KLHDC10: variants seen among roughly 807,000 people sequenced by gnomAD.
The protein encoded by KLHDC10 is kelch domain-containing protein 10.
A neutral mutation model predicts 56.1 loss-of-function variants in KLHDC10; 24 were observed. The ratio of observed to expected loss-of-function variants is 0.43; its 90% CI spans 0.31 to 0.60. The LOEUF is 0.60. Among genes scored for constraint, KLHDC10 ranks in the 20% least tolerant of loss-of-function variants. KLHDC10 has a pLI of 0.11. For synonymous variants in KLHDC10, 188 were observed against 207.1 expected, an observed-to-expected ratio of 0.91 and a Z score of 0.79; for missense variants, 349 against 567.0, an observed-to-expected ratio of 0.62 and a Z score of 3.91.
intron 8 of KLHDC10, among the ~76,000 whole-genome samples, chr7:130,128,889 A>AAAAAAAAAAAATATATAT: frequency 6.0e-5 from 4 of 66,956 alleles, no homozygotes; most frequent in African/African-American, 1.5e-4. Context: ...AAAAAAAAAA[A>AAAAAAAAAAAATATATAT]ATATATATAT....
intron 2 of KLHDC10, among the ~76,000 whole-genome samples, chr7:130,115,606 T>C (rs1313896791): frequency 1.3e-5 from 2 of 150,006 alleles, no homozygotes; most frequent in Admixed American, 6.7e-5. Flanking sequence ...TCCCAGCTAC[T>C]TGGGAGGCTG....
rs1796393449 is a variant in KLHDC10 at position 130,131,044 on chromosome 7, T to C, written c.*298T>C. 5 of 287,016 alleles carry C rather than the reference T, an allele frequency of 1.7e-5. No homozygotes were observed. The highest frequency in any genetic ancestry group is 3.3e-5 in the Non-Finnish European group (5 of 149,976). The allele number at this position is 287,016 out of a possible 1,614,324, so 17.8% of individuals were successfully genotyped here. A position where few individuals can be genotyped will look rare whatever the true frequency, so the allele number is the denominator to read the frequency against. The stretch of plus-strand genomic sequence containing the variant: ...GCCTGAAAGTACCTTAATAATGTTA[T>C]TAATCAAGACAGATTCCTTTTTAAA... On this transcript the variant is annotated 3_prime_UTR_variant, in exon 10 of 10. Coordinates refer to ENST00000335420, the MANE Select transcript of KLHDC10 (RefSeq NM_014997.4).
chr7:130,129,289 TGA>T, intron 8 of KLHDC10, 146 bp from the exon 9 acceptor site: 1 of 767,346 alleles, frequency 1.3e-6, no homozygotes, highest in Non-Finnish European at 2.1e-6. Context: ...GACAACAGCA[TGA>T]GAGGCTGCAC....
intron 1 of KLHDC10, among the ~76,000 whole-genome samples, chr7:130,093,131 A>C (rs1211294414): frequency 1.3e-5 from 2 of 152,040 alleles, no homozygotes; most frequent in Non-Finnish European, 2.9e-5. Flanking sequence ...TAGTGAAGTA[A>C]ACATAGTAAG....
intron 1 of KLHDC10, among the ~76,000 whole-genome samples, chr7:130,081,323 GT>G (rs962706206): frequency 7.6e-5 from 11 of 143,818 alleles, no homozygotes; most frequent in African/African-American, 2.8e-4. Flanking sequence ...TTTTTTGTTT[GT>G]TTTTTATTTT....
At chr7:130,122,269 G>A (rs1225259327) in intron 5 of KLHDC10, 67 bp downstream of exon 5, 2 of 1,471,784 alleles carry the variant, frequency 1.4e-6, no homozygotes, top group Admixed American at 4.0e-5. Context: ...CAGAGTGTTG[G>A]CAATATGAAG....
chr7:130,128,889 AATAT>A lies in KLHDC10; in HGVS notation c.980-520_980-517del, dbSNP rs1554468213. The stretch of plus-strand genomic sequence containing the variant: ...ACCTTGTCTCTTAAAAAAAAAAAAA[AATAT>A]ATATATATATATATATATATATATA... On this transcript the variant is annotated intron_variant, in intron 8 of 9. Transcript: ENST00000335420. 1.2e-3 allele frequency among the ~76,000 whole-genome samples: 82 copies of A among 66,928 alleles called. 2 individuals carry two copies. The highest frequency in any genetic ancestry group is 0.017 in the Middle Eastern group (2 of 120). The allele number at this position is 66,928 out of a possible 152,430, so 43.9% of individuals were successfully genotyped here.
Position 130,132,173 on chromosome 7 carries a change from T to G in KLHDC10, c.*1427T>G, listed in dbSNP as rs1462407396. The G allele has an allele frequency of 6.6e-6, 1 of 152,100 alleles. No homozygotes were observed. The highest frequency in any genetic ancestry group is 1.5e-5 in the Non-Finnish European group (1 of 68,022). 9.4% of individuals were successfully genotyped at this position (152,100 alleles called of 1,614,324 possible). On this transcript the variant is annotated 3_prime_UTR_variant, in exon 10 of 10. Coordinates refer to ENST00000335420, the MANE Select transcript of KLHDC10 (RefSeq NM_014997.4). Reference sequence around the variant, plus strand: ...ACCATGCGCATGTGTAAGCCGCAGGTGTACTCAAGGTGCTGAAGGCGTGCA... The same window carrying G: ...ACCATGCGCATGTGTAAGCCGCAGGGGTACTCAAGGTGCTGAAGGCGTGCA...
At chr7:130,118,863 T>A (rs2116906105) in intron 3 of KLHDC10, among the ~76,000 whole-genome samples, 1 of 152,274 alleles carries the variant, frequency 6.6e-6, no homozygotes, top group East Asian at 1.9e-4. Flanking sequence ...AAGTTCACTG[T>A]TTTATATGGG....
chr7:130,082,782 C>T (rs771388120), intron 1 of KLHDC10, among the ~76,000 whole-genome samples: 1 of 152,176 alleles, frequency 6.6e-6, no homozygotes, highest in Non-Finnish European at 1.5e-5. Context: ...GTCCTAATTG[C>T]TAACTCCAGT....
intron 6 of KLHDC10, among the ~76,000 whole-genome samples, chr7:130,125,497 C>T (rs1400552796): frequency 2.0e-5 from 3 of 151,894 alleles, no homozygotes; most frequent in Non-Finnish European, 2.9e-5. Flanking sequence ...GAGCCAAGAT[C>T]GCGTCACTAC....
chr7:130,108,143 C>T (rs139141164), intron 2 of KLHDC10, among the ~76,000 whole-genome samples: 2,965 of 150,710 alleles, frequency 0.02, 49 homozygotes, highest in South Asian at 0.052. Flanking sequence ...GTGGGAGAAT[C>T]GCCTGAACCC....
chr7:130,087,435 G>T (rs1271773889), intron 1 of KLHDC10, among the ~76,000 whole-genome samples: 1 of 151,806 alleles, frequency 6.6e-6, no homozygotes, highest in Non-Finnish European at 1.5e-5. Flanking sequence ...CCATGAATTT[G>T]TTCCAAGCTT....
At position 130,116,304 on chromosome 7, in the gene KLHDC10, T is replaced by A. The variant is rs1366810607; in HGVS notation, c.254-141T>A. ...ATTATTAGGAAGTATATCCATGTTA[T>A]AAATCTAAACAAATAAGAAGTATAT... On this transcript the variant is annotated intron_variant, in intron 2 of 9. Transcript: ENST00000335420. The surrounding 1 kb of genome is among the most constrained non-coding windows in gnomAD (Gnocchi z 4.8). The A allele has an allele frequency of 4.7e-6, 3 of 631,774 alleles. No individual in the cohort carries two copies. In the East Asian group the frequency reaches 8.2e-5, roughly 17 times the overall value. The allele number at this position is 631,774 out of a possible 1,614,324, so 39.1% of individuals were successfully genotyped here.
intron 2 of KLHDC10, among the ~76,000 whole-genome samples, chr7:130,100,816 T>C (rs964273698): frequency 6.6e-5 from 10 of 152,154 alleles, no homozygotes. Flanking sequence ...GTCCTACATC[T>C]TCTCTAAAAC....
At chr7:130,090,678 C>CTGTTACTAT (rs1795758829) in intron 1 of KLHDC10, among the ~76,000 whole-genome samples, 4 of 151,938 alleles carry the variant, frequency 2.6e-5, no homozygotes, top group African/African-American at 9.7e-5. Context: ...TGATAACATC[C>CTGTTACTAT]TGTTACTATT....
At chr7:130,124,089 T>C (rs1796284503) in intron 5 of KLHDC10, among the ~76,000 whole-genome samples, 2 of 152,022 alleles carry the variant, frequency 1.3e-5, no homozygotes, top group Admixed American at 1.3e-4. Context: ...ATGAAGAAAA[T>C]AAAAATCCAA....
At chr7:130,129,287 C>A in intron 8 of KLHDC10, 150 bp from the exon 9 acceptor site, 1 of 749,326 alleles carries the variant, frequency 1.3e-6, no homozygotes, top group Non-Finnish European at 2.2e-6. Context: ...AAGACAACAG[C>A]ATGAGAGGCT....
At position 130,128,917 on chromosome 7, in the gene KLHDC10, T is replaced by C. The variant is rs11766102; in HGVS notation, c.980-520T>C. ...ATATATATATATATATATATATATA[T>C]ATACATACTAGCCAAAACTTAAAAA... On this transcript the variant is annotated intron_variant, in intron 8 of 9. Coordinates refer to ENST00000335420, the MANE Select transcript of KLHDC10 (RefSeq NM_014997.4). Among the ~76,000 whole-genome samples the C allele has an allele frequency of 4.2e-4, 52 of 124,774 alleles. 3 individuals carry two copies. The highest frequency in any genetic ancestry group is 1.0e-3 in the African/African-American group (31 of 30,216). 81.9% of individuals were successfully genotyped at this position (124,774 alleles called of 152,430 possible).
Sources: allele counts gnomAD v4.1 joint callset (sites outside exome capture counted in the v4.1 genomes callset), GRCh38; gene constraint gnomAD v4.1.1; non-coding constraint Gnocchi (gnomAD v3.1); transcripts MANE v1.5; gene names NCBI Gene and HGNC (gene_info 2026-07-23, HGNC 2026-07-21).